The following DCP2 variants were observed in gnomAD, a reference collection of about 807,000 sequenced individuals.
DCP2 encodes the protein m7GpppN-mRNA hydrolase.
A neutral mutation model predicts 56.1 loss-of-function variants in DCP2; 30 were observed. The ratio of observed to expected loss-of-function variants is 0.53; its 90% confidence interval spans 0.40 to 0.73. DCP2 has a LOEUF of 0.73. DCP2 is among the 30% of genes least tolerant of loss of function. DCP2 has a pLI of 0.00. For synonymous variants in DCP2, 197 were observed against 163.3 expected (o/e 1.21, Z -1.57); for missense variants, 533 against 502.7 (o/e 1.06, Z -0.58).
chr5:112,984,725 T>TATATATATATA (rs1157313721), intron 1 of DCP2: 16 of 135,586 alleles, frequency 1.2e-4, no homozygotes, highest in South Asian at 2.3e-4. Context: ...TATATATATA[T>TATATATATATA]TTGAGACAGT....
intron 2 of DCP2, among the ~76,000 whole-genome samples, 195 bp from the exon 3 acceptor site, chr5:112,991,926 A>C (rs1426830517): frequency 6.6e-6 from 1 of 152,164 alleles, no homozygotes; most frequent in Admixed American, 6.5e-5. Context: ...ACAAAAACAC[A>C]GTCTGCCTCG....
At chr5:112,985,582 G>C (rs1748239886) in intron 1 of DCP2, among the ~76,000 whole-genome samples, 1 of 152,160 alleles carries the variant, frequency 6.6e-6, no homozygotes, top group African/African-American at 2.4e-5. Flanking sequence ...CTCTTAAGCT[G>C]ATCTCTGTAC....
intron 9 of DCP2, among the ~76,000 whole-genome samples, chr5:113,009,175 G>A (rs1749572997): frequency 6.6e-6 from 1 of 152,158 alleles, no homozygotes; most frequent in Non-Finnish European, 1.5e-5. Flanking sequence ...TATTGTGCAA[G>A]TGTTAATTGT....
Position 113,001,077 on chromosome 5 carries a change from T to A in DCP2, c.433-7T>A. The A allele has an allele frequency of 6.3e-7, 1 of 1,579,374 alleles. No homozygotes were observed. Among genetic ancestry groups the A allele is most frequent in the Non-Finnish European group, 8.6e-7 (1 of 1,165,338 alleles). On this transcript the variant is annotated splice_region_variant and splice_polypyrimidine_tract_variant and intron_variant, in intron 4 of 10. Transcript: ENST00000389063. ...ATGAAAATTTCATCCAAATTTGTTG[T>A]TTCCAGGTCTTTGAAGAAACTGGTT...
chr5:113,010,507 A>G (rs1349090885), intron 9 of DCP2, among the ~76,000 whole-genome samples: 4 of 152,138 alleles, frequency 2.6e-5, no homozygotes, highest in Non-Finnish European at 4.4e-5. Flanking sequence ...CACCTAGCCA[A>G]TACTTGTCTA....
In DCP2 at chr5:112,982,238, CCTTAT is replaced by C. The variant is rs1405131488; in HGVS notation, c.54-3590_54-3586del. Among the ~76,000 whole-genome samples the C allele has an allele frequency of 1.3e-4, 20 of 152,270 alleles. No individual in the cohort carries two copies. In the East Asian group the frequency reaches 3.7e-3, roughly 28 times the overall value. ...TTTTTTCAACCCTTCTCATCCGCTT[CCTTAT>C]CTTATCCTCAATCATACTTTCGACA... On this transcript the variant is annotated intron_variant, in intron 1 of 10. Transcript: ENST00000389063.
rs917859639 is a variant in DCP2, at chr5:113,013,548, C to T, written c.*64C>T. 27 of 1,566,600 alleles carry T rather than the reference C, an allele frequency of 1.7e-5. No individual in the cohort carries two copies. The Admixed American group carries it at 4.6e-4, about 27-fold the overall frequency. ...CCTGTTGAATTTGAGTGGGTGTCTCCTCAAGCCTTACCTTTCTCAGGTGTT... is the reference window on the plus strand; with the variant it reads ...CCTGTTGAATTTGAGTGGGTGTCTCTTCAAGCCTTACCTTTCTCAGGTGTT... On this transcript the variant is annotated 3_prime_UTR_variant, in exon 11 of 11. Coordinates refer to ENST00000389063, the MANE Select transcript of DCP2 (RefSeq NM_152624.6).
intron 4 of DCP2, among the ~76,000 whole-genome samples, chr5:112,999,842 C>T (rs1396217483): frequency 6.6e-6 from 1 of 151,354 alleles, no homozygotes; most frequent in Non-Finnish European, 1.5e-5. Context: ...GGGTGGATCA[C>T]CTGAGGTCAG....
At chr5:112,978,772 G>A (rs1747853543) in intron 1 of DCP2, among the ~76,000 whole-genome samples, 1 of 151,862 alleles carries the variant, frequency 6.6e-6, no homozygotes, top group Non-Finnish European at 1.5e-5. Flanking sequence ...GGGATTATGA[G>A]ATTGTGATCT....
At chr5:113,007,339 ATAAGCAGAC>A (rs1028305987) in intron 8 of DCP2, among the ~76,000 whole-genome samples, 3 of 151,986 alleles carry the variant, frequency 2.0e-5, no homozygotes, top group African/African-American at 7.2e-5. Context: ...AACGAGATCT[ATAAGCAGAC>A]ATGGGATAAG....
chr5:112,999,211 G>A (rs1290098418), intron 4 of DCP2, among the ~76,000 whole-genome samples: 1 of 152,170 alleles, frequency 6.6e-6, no homozygotes, highest in African/African-American at 2.4e-5. Context: ...AGATTCATAT[G>A]ACTAGCTATG....
intron 4 of DCP2, among the ~76,000 whole-genome samples, chr5:112,993,740 C>T (rs564820216): frequency 3.0e-4 from 45 of 151,794 alleles, no homozygotes; most frequent in African/African-American, 8.9e-4. Flanking sequence ...TGTTTCTAAA[C>T]CCAGCTTAAA....
chr5:112,982,535 G>T (rs764115560), intron 1 of DCP2, among the ~76,000 whole-genome samples: 4 of 152,154 alleles, frequency 2.6e-5, no homozygotes, highest in Non-Finnish European at 4.4e-5. Flanking sequence ...TAAAATACCT[G>T]TTTCTGTTTT....
In DCP2 at chr5:113,007,917, T is replaced by C. The variant is rs573503636; in HGVS notation, c.943-21T>C. 48 of 1,594,724 alleles carry C rather than the reference T, an allele frequency of 3.0e-5. No homozygotes were observed. The South Asian group carries it at 5.2e-4, about 17-fold the overall frequency. ...TACATTATGCTATAGATTCATATTA[T>C]ATTTCTTTTTGGGAAAACAGAATCA... is the stretch of plus-strand genomic sequence containing the variant. On this transcript the variant is annotated intron_variant, in intron 8 of 10. Coordinates refer to ENST00000389063, the MANE Select transcript of DCP2 (RefSeq NM_152624.6).
chr5:113,010,892 G>C (rs1749656340), intron 10 of DCP2, 85 bp downstream of exon 10: 1 of 1,371,604 alleles, frequency 7.3e-7, no homozygotes, highest in African/African-American at 1.5e-5. Flanking sequence ...GGGAGTATGT[G>C]ATCTGTGATA....
At chr5:112,985,778 A>G in intron 1 of DCP2, 57 bp from the exon 2 acceptor site, 4 of 1,569,876 alleles carry the variant, frequency 2.5e-6, no homozygotes, top group Non-Finnish European at 3.5e-6. Flanking sequence ...TAAATAGCTT[A>G]AGATAAATCG....
chr5:112,977,529 G>C (rs1747774607), intron 1 of DCP2, among the ~76,000 whole-genome samples: 1 of 152,166 alleles, frequency 6.6e-6, no homozygotes, highest in Non-Finnish European at 1.5e-5. Context: ...TTCCTGTAAG[G>C]AATTACTTTT....
At chr5:113,005,705 A>G (rs115212316) in intron 8 of DCP2, among the ~76,000 whole-genome samples, 498 of 152,348 alleles carry the variant, frequency 3.3e-3, no homozygotes, top group African/African-American at 0.01. Flanking sequence ...TTGTGTACCA[A>G]TGTTCATAGC....
intron 9 of DCP2, 29 bp from the exon 10 acceptor site, chr5:113,010,727 G>A: frequency 6.8e-7 from 1 of 1,481,446 alleles, no homozygotes; most frequent in Non-Finnish European, 8.9e-7. Flanking sequence ...GTATGTGTGT[G>A]TGTGTGTGTT....
Sources: allele counts gnomAD v4.1 joint callset (sites outside exome capture counted in the v4.1 genomes callset), GRCh38; gene constraint gnomAD v4.1.1; transcripts MANE v1.5; gene names NCBI Gene and HGNC (gene_info 2026-07-23, HGNC 2026-07-21).